The following KDM5A variants were observed in gnomAD, a reference collection of about 807,000 sequenced individuals.
KDM5A encodes the protein lysine demethylase 5A.
In KDM5A, 42 loss-of-function variants were observed where a neutral mutation model predicts 193.5. The observed-to-expected ratio is 0.22, with a 90% CI of 0.17 to 0.28. KDM5A has a LOEUF of 0.28. Ranked by LOEUF, KDM5A falls within the 10% of genes least tolerant of loss-of-function variation. The pLI is 1.00. For synonymous variants in KDM5A, 796 were observed against 718.1 expected (o/e 1.11, Z -1.73); for missense variants, 1,692 against 2,055.1 (o/e 0.82, Z 3.42).
In KDM5A at chr12:355,162, T is replaced by A. The variant is rs1409291754; in HGVS notation, c.866A>T (p.Asn289Ile). ...GACAGACCCCAAAACACTTACAAAG[T>A]TAACAGAGAGAGTGCCTTTCCGTTG... Reference protein sequence around the residue: ...MRQRKGTLSVNFVDLYVCMFC... With the variant: ...MRQRKGTLSVIFVDLYVCMFC... Residue 289 changes from asparagine to isoleucine, a missense_variant, in exon 7 of 28, where the codon AAC becomes ATC. By Grantham distance (149) the Asn-to-Ile change is moderately radical. This residue lies in a region of KDM5A where 134 missense variants were observed against 124.2 expected (regional missense o/e 1.08). Coordinates refer to ENST00000399788, the MANE Select transcript of KDM5A (RefSeq NM_001042603.3). The A allele has an allele frequency of 6.3e-7, 1 of 1,589,688 alleles. No individual in the cohort carries two copies. Among genetic ancestry groups the A allele is most frequent in the South Asian group, 1.1e-5 (1 of 90,644 alleles).
intron 7 of KDM5A, among the ~76,000 whole-genome samples, chr12:354,764 C>CA (rs55840057): frequency 0.63 from 94,096 of 148,826 alleles, 30,383 homozygotes; most frequent in Middle Eastern, 0.73. Flanking sequence ...GACTCCGTCT[C>CA]AAAAAAAAAA....
intron 24 of KDM5A, among the ~76,000 whole-genome samples, chr12:305,818 C>T (rs1315236858): frequency 6.6e-6 from 1 of 152,158 alleles, no homozygotes; most frequent in Non-Finnish European, 1.5e-5. Flanking sequence ...AAAATAATCA[C>T]ATTGATGGTA....
intron 10 of KDM5A, among the ~76,000 whole-genome samples, chr12:345,989 G>T (rs891543368): frequency 5.3e-5 from 8 of 151,984 alleles, no homozygotes; most frequent in Non-Finnish European, 2.9e-5. Context: ...CTGGTTTTTT[G>T]AAAAGATCAA....
chr12:319,040 G>C (rs1231700364), intron 18 of KDM5A, among the ~76,000 whole-genome samples: 2 of 152,174 alleles, frequency 1.3e-5, no homozygotes, highest in Non-Finnish European at 2.9e-5. Flanking sequence ...GAATGAGCTT[G>C]GTGTGTTGCT....
chr12:350,804 A>C (rs1289690122), intron 9 of KDM5A, 25 bp from the exon 10 acceptor site: 3 of 1,604,946 alleles, frequency 1.9e-6, no homozygotes, highest in African/African-American at 1.3e-5. Context: ...AAAAGATGAC[A>C]AATTATTAAA....
intron 3 of KDM5A, among the ~76,000 whole-genome samples, chr12:374,692 G>A (rs1387754603): frequency 6.6e-6 from 1 of 152,186 alleles, no homozygotes; most frequent in African/African-American, 2.4e-5. Context: ...AGTTTGGCAT[G>A]TTTTTGCAGT....
intron 25 of KDM5A, 95 bp from the exon 26 acceptor site, chr12:295,888 C>T (rs990180402): frequency 3.1e-6 from 3 of 981,882 alleles, no homozygotes; most frequent in Non-Finnish European, 3.2e-6. Flanking sequence ...CCCCCCATCC[C>T]CCAATACTAA....
chr12:289,907 CTTTTT>C (rs750918968), intron 27 of KDM5A, among the ~76,000 whole-genome samples: 9 of 99,642 alleles, frequency 9.0e-5, no homozygotes, highest in Admixed American at 6.8e-4. Flanking sequence ...TTCTTTCTTT[CTTTTT>C]TTTTTTTTTT....
intron 2 of KDM5A, among the ~76,000 whole-genome samples, chr12:385,214 T>C (rs1230113333): frequency 6.7e-6 from 1 of 149,422 alleles, no homozygotes; most frequent in Non-Finnish European, 1.5e-5. Context: ...TGTATTAAAC[T>C]CTCAGAAATG....
intron 20 of KDM5A, among the ~76,000 whole-genome samples, chr12:312,767 G>A (rs139584831): frequency 4.6e-5 from 7 of 152,202 alleles, no homozygotes; most frequent in African/African-American, 1.7e-4. Context: ...CACTTACATC[G>A]GCATGACTGA....
At chr12:364,779 CA>C (rs61342800) in intron 4 of KDM5A, among the ~76,000 whole-genome samples, 53 of 111,324 alleles carry the variant, frequency 4.8e-4, no homozygotes, top group South Asian at 2.5e-3. Context: ...AGTCTCATCT[CA>C]AAAAAAAAAA....
chr12:332,475 A>G (rs1238624475), intron 12 of KDM5A, among the ~76,000 whole-genome samples: 4 of 152,210 alleles, frequency 2.6e-5, no homozygotes, highest in African/African-American at 9.6e-5. Flanking sequence ...AAGTAACATT[A>G]TAAATGTTAA....
chr12:326,884 A>G (rs903030111), intron 14 of KDM5A, among the ~76,000 whole-genome samples: 2 of 148,858 alleles, frequency 1.3e-5, no homozygotes, highest in Non-Finnish European at 1.5e-5. Flanking sequence ...AAAAAAAAAA[A>G]AAAAAAAGAA....
intron 24 of KDM5A, 64 bp downstream of exon 24, chr12:306,882 T>TC: frequency 3.1e-6 from 4 of 1,299,350 alleles, no homozygotes; most frequent in Non-Finnish European, 4.3e-6. Context: ...TTCAATAGCT[T>TC]TTTTTTTTTT....
intron 10 of KDM5A, among the ~76,000 whole-genome samples, chr12:349,068 T>G (rs1412472168): frequency 6.6e-6 from 1 of 151,084 alleles, no homozygotes; most frequent in Non-Finnish European, 1.5e-5. Context: ...TTGCCCAGGC[T>G]GGAGTGCAAT....
rs1173560009 is a variant in KDM5A, at chr12:285,390, C to T, written c.*66G>A. 11 of 1,392,248 alleles carry T rather than the reference C, an allele frequency of 7.9e-6. No individual in the cohort carries two copies. The highest frequency in any genetic ancestry group is 1.4e-5 in the African/African-American group (1 of 70,492). The allele number at this position is 1,392,248 out of a possible 1,614,324, so 86.2% of individuals were successfully genotyped here. A position where few individuals can be genotyped will look rare whatever the true frequency, so the allele number is the denominator to read the frequency against. ...ACATTCCAAGTGGATATAAACCACT[C>T]TACTTGATGACTAAGGTCTCAATGT... On this transcript the variant is annotated 3_prime_UTR_variant, in exon 28 of 28. Transcript: ENST00000399788.
At chr12:364,803 A>G (rs1356134273) in intron 4 of KDM5A, among the ~76,000 whole-genome samples, 2 of 151,630 alleles carry the variant, frequency 1.3e-5, no homozygotes, top group East Asian at 1.9e-4. Flanking sequence ...AAAACAAACA[A>G]ACAAATTTAC....
At chr12:340,527 C>A (rs61599477) in intron 10 of KDM5A, among the ~76,000 whole-genome samples, 1 of 151,974 alleles carries the variant, frequency 6.6e-6, no homozygotes, top group Non-Finnish European at 1.5e-5. Flanking sequence ...AACCCTGTCT[C>A]TACTAAAAAT....
chr12:366,716 T>C (rs538998690), intron 3 of KDM5A, among the ~76,000 whole-genome samples: 2 of 152,002 alleles, frequency 1.3e-5, no homozygotes, highest in African/African-American at 4.8e-5. Context: ...ATGAGATAAA[T>C]TGGCTAACTT....
Sources: allele counts gnomAD v4.1 joint callset (sites outside exome capture counted in the v4.1 genomes callset), GRCh38; gene constraint gnomAD v4.1.1; regional missense constraint gnomAD v4.1.1; transcripts MANE v1.5; gene names NCBI Gene and HGNC (gene_info 2026-07-23, HGNC 2026-07-21).